Variants in SPAG16 observed in about 807,000 individuals in gnomAD.
SPAG16 encodes the protein sperm associated antigen 16, also known as sperm-associated antigen 16 protein.
In SPAG16, 86 loss-of-function variants were observed where a neutral mutation model predicts 80.4. The ratio of observed to expected loss-of-function variants is 1.07; its 90% CI spans 0.90 to 1.28. The LOEUF is 1.28. SPAG16 is among the 50% of genes most tolerant of loss of function. The probability of loss-of-function intolerance (pLI) is 0.00; values close to 1 mark genes in which losing one functional copy is unlikely to be tolerated. For synonymous variants in SPAG16, 294 were observed against 265.9 expected (o/e 1.11, Z -1.03); for missense variants, 870 against 765.3 (o/e 1.14, Z -1.61).
intron 12 of SPAG16, among the ~76,000 whole-genome samples, chr2:213,989,953 T>C (rs913127622): frequency 5.3e-5 from 8 of 152,098 alleles, no homozygotes; most frequent in Admixed American, 2.0e-4. Context: ...AAAATTGCCT[T>C]GATTTTAGAA....
chr2:213,765,743 T>C (rs2068904924), intron 10 of SPAG16, among the ~76,000 whole-genome samples: 1 of 152,228 alleles, frequency 6.6e-6, no homozygotes. Flanking sequence ...TTTCAATTAA[T>C]TGCTTTGTTC....
intron 6 of SPAG16, among the ~76,000 whole-genome samples, chr2:213,342,379 T>C (rs995581196): frequency 6.8e-6 from 1 of 146,926 alleles, no homozygotes; most frequent in Non-Finnish European, 1.5e-5. Context: ...ATATGTATTA[T>C]ATATATATAT....
intron 15 of SPAG16, among the ~76,000 whole-genome samples, chr2:214,266,958 T>C (rs1190039738): frequency 6.6e-6 from 1 of 151,730 alleles, no homozygotes; most frequent in African/African-American, 2.4e-5. Context: ...AATGGAAAGA[T>C]ACCCCATGTT....
chr2:213,332,611 G>A (rs558580282), intron 5 of SPAG16, among the ~76,000 whole-genome samples: 4 of 152,076 alleles, frequency 2.6e-5, no homozygotes, highest in South Asian at 2.1e-4. Flanking sequence ...CTCTGATGTT[G>A]ATTCAAAAAT....
chr2:213,826,995 GT>G (rs372999576), intron 10 of SPAG16, among the ~76,000 whole-genome samples: 1 of 151,586 alleles, frequency 6.6e-6, no homozygotes, highest in African/African-American at 2.4e-5. Context: ...TTTTCTTATG[GT>G]TTTTTTATGA....
intron 11 of SPAG16, among the ~76,000 whole-genome samples, chr2:213,885,249 T>C (rs1349870880): frequency 6.6e-6 from 1 of 152,164 alleles, no homozygotes; most frequent in Non-Finnish European, 1.5e-5. Flanking sequence ...TTTGGTGTTG[T>C]AGTTTGGGCT....
chr2:213,821,144 TCA>T (rs2072909624), intron 10 of SPAG16, among the ~76,000 whole-genome samples: 2 of 152,098 alleles, frequency 1.3e-5, no homozygotes, highest in Non-Finnish European at 2.9e-5. Context: ...TCTTGTAGGT[TCA>T]TTCTTCTGTC....
chr2:213,821,006 A>G (rs544358249), intron 10 of SPAG16, among the ~76,000 whole-genome samples: 1 of 152,140 alleles, frequency 6.6e-6, no homozygotes, highest in Admixed American at 6.5e-5. Context: ...ATATTTACTT[A>G]TCTTTTTTTC....
intron 6 of SPAG16, among the ~76,000 whole-genome samples, chr2:213,345,936 A>T (rs1210816842): frequency 6.6e-6 from 1 of 152,186 alleles, no homozygotes; most frequent in African/African-American, 2.4e-5. Flanking sequence ...GGGTAGCCTG[A>T]TAGGGATGGC....
At chr2:214,033,155 G>A (rs1053169753) in intron 13 of SPAG16, among the ~76,000 whole-genome samples, 1 of 152,124 alleles carries the variant, frequency 6.6e-6, no homozygotes, top group Non-Finnish European at 1.5e-5. Context: ...CTAATAAACC[G>A]ATAAAGTAGG....
At chr2:213,349,400 A>T (rs1487524260) in intron 6 of SPAG16, among the ~76,000 whole-genome samples, 1 of 152,142 alleles carries the variant, frequency 6.6e-6, no homozygotes, top group Non-Finnish European at 1.5e-5. Flanking sequence ...ATGTAATAAA[A>T]CTGACAAATT....
chr2:213,512,859 G>A (rs955871101), intron 10 of SPAG16, among the ~76,000 whole-genome samples: 7 of 151,984 alleles, frequency 4.6e-5, no homozygotes, highest in Admixed American at 2.0e-4. Flanking sequence ...ATCAAACCTA[G>A]TCATTATGGC....
intron 15 of SPAG16, among the ~76,000 whole-genome samples, chr2:214,356,958 G>A (rs1698850126): frequency 6.6e-6 from 1 of 151,938 alleles, no homozygotes; most frequent in Middle Eastern, 3.4e-3. Context: ...CTCAGTGTTT[G>A]TCTCTAATAC....
At chr2:213,964,890 C>A (rs2044628601) in intron 12 of SPAG16, among the ~76,000 whole-genome samples, 3 of 151,892 alleles carry the variant, frequency 2.0e-5, no homozygotes, top group Admixed American at 1.3e-4. Context: ...TGCCATCATA[C>A]CTTTGTTTAA....
At chr2:213,355,528 CTT>C (rs1442428538) in intron 7 of SPAG16, among the ~76,000 whole-genome samples, 9 of 152,170 alleles carry the variant, frequency 5.9e-5, no homozygotes, top group African/African-American at 2.2e-4. Flanking sequence ...TTTGTGTCCT[CTT>C]TTATTTCATT....
intron 13 of SPAG16, among the ~76,000 whole-genome samples, chr2:214,078,425 G>T (rs753478519): frequency 6.6e-6 from 1 of 150,912 alleles, no homozygotes; most frequent in African/African-American, 2.4e-5. Flanking sequence ...GCATGGTGGC[G>T]CACTCCTAGA....
chr2:214,400,742 C>T (rs1701660207), intron 15 of SPAG16, among the ~76,000 whole-genome samples: 1 of 151,988 alleles, frequency 6.6e-6, no homozygotes, highest in Admixed American at 6.5e-5. Context: ...CCTCAACTTC[C>T]ATGTGTTTGA....
intron 11 of SPAG16, among the ~76,000 whole-genome samples, chr2:213,883,907 G>A (rs1416364214): frequency 6.6e-6 from 1 of 152,120 alleles, no homozygotes; most frequent in African/African-American, 2.4e-5. Context: ...GTCCTTACAT[G>A]TGTGATATAT....
intron 13 of SPAG16, among the ~76,000 whole-genome samples, chr2:214,094,445 C>T (rs1186850146): frequency 6.6e-6 from 1 of 152,058 alleles, no homozygotes; most frequent in Non-Finnish European, 1.5e-5. Context: ...AGATTCAGAA[C>T]CTCTTTAAGT....
Sources: allele counts gnomAD v4.1 joint callset (sites outside exome capture counted in the v4.1 genomes callset), GRCh38; gene constraint gnomAD v4.1.1; transcripts MANE v1.5; gene names NCBI Gene and HGNC (gene_info 2026-07-23, HGNC 2026-07-21).